Variants in MBOAT2 observed in about 807,000 individuals in gnomAD.
MBOAT2 encodes the protein membrane bound glycerophospholipid O-acyltransferase 2.
A neutral mutation model predicts 63.4 loss-of-function variants in MBOAT2; 28 were observed. The observed-to-expected ratio is 0.44, with a 90% CI of 0.33 to 0.61. MBOAT2 has a LOEUF of 0.61. Ranked by LOEUF, MBOAT2 falls within the 20% of genes least tolerant of loss-of-function variation. MBOAT2 has a pLI of 0.03. For missense variants in MBOAT2, 470 were observed against 605.8 expected, an observed-to-expected ratio of 0.78 and a Z score of 2.35; for synonymous variants, 211 against 215.6, an observed-to-expected ratio of 0.98 and a Z score of 0.19.
At chr2:8,924,797 A>G (rs1666827569) in intron 3 of MBOAT2, among the ~76,000 whole-genome samples, 1 of 152,080 alleles carries the variant, frequency 6.6e-6, no homozygotes. Flanking sequence ...CACTAAGAAA[A>G]TTTCAAAGTT....
intron 2 of MBOAT2, among the ~76,000 whole-genome samples, chr2:8,946,798 C>G (rs990563664): frequency 6.6e-6 from 1 of 152,218 alleles, no homozygotes; most frequent in Non-Finnish European, 1.5e-5. Flanking sequence ...CTCCACTGAC[C>G]GGCAGTCTCT....
At chr2:8,963,302 G>T (rs759438092) in intron 1 of MBOAT2, among the ~76,000 whole-genome samples, 4 of 151,926 alleles carry the variant, frequency 2.6e-5, no homozygotes, top group Non-Finnish European at 5.9e-5. Context: ...GTCACAAAAA[G>T]AAACTAATTT....
intron 4 of MBOAT2, among the ~76,000 whole-genome samples, chr2:8,898,610 A>T (rs968345802): frequency 1.3e-5 from 2 of 152,206 alleles, no homozygotes; most frequent in African/African-American, 4.8e-5. Flanking sequence ...TCATCCACAT[A>T]CTGAAGGACC....
At position 8,863,751 on chromosome 2, in the gene MBOAT2, T is replaced by C. The variant is rs1331349846; in HGVS notation, c.1052+419A>G. On this transcript the variant is annotated intron_variant, in intron 10 of 12. Transcript: ENST00000305997. Reference sequence around the variant, plus strand: ...CTTACTCATGTTTGTTTCCCTTGCCTAACAAATAAAGATTTGTTGAATTGA... The same window carrying C: ...CTTACTCATGTTTGTTTCCCTTGCCCAACAAATAAAGATTTGTTGAATTGA... Among the ~76,000 whole-genome samples the C allele has an allele frequency of 3.3e-5, 5 of 152,204 alleles. No individual in the cohort carries two copies. The South Asian group carries it at 6.2e-4, about 19-fold the overall frequency.
chr2:8,949,130 CTT>C (rs1328533060), intron 2 of MBOAT2, among the ~76,000 whole-genome samples: 1 of 152,072 alleles, frequency 6.6e-6, no homozygotes, highest in African/African-American at 2.4e-5. Context: ...ACTTGTATGT[CTT>C]CTTTTGAAAA....
intron 4 of MBOAT2, among the ~76,000 whole-genome samples, chr2:8,904,736 C>T (rs1392935206): frequency 6.6e-6 from 1 of 152,132 alleles, no homozygotes; most frequent in African/African-American, 2.4e-5. Context: ...CATATTACTA[C>T]ACATTTCATG....
intron 1 of MBOAT2, among the ~76,000 whole-genome samples, chr2:8,980,842 C>A (rs1671149980): frequency 6.6e-6 from 1 of 152,078 alleles, no homozygotes; most frequent in Admixed American, 6.6e-5. Flanking sequence ...CCAGCAATTC[C>A]ACTCCTAGGT....
intron 10 of MBOAT2, among the ~76,000 whole-genome samples, chr2:8,863,432 A>G (rs529210261): frequency 3.9e-5 from 6 of 152,334 alleles, no homozygotes; most frequent in African/African-American, 1.4e-4. Flanking sequence ...CACAGGGACG[A>G]TAAGAGAACC....
At position 8,966,345 on chromosome 2, in the gene MBOAT2, G is replaced by C. The variant is rs181191604; in HGVS notation, c.76-7703C>G. Among the ~76,000 whole-genome samples, 360 of 152,248 alleles carry C rather than the reference G, an allele frequency of 2.4e-3. 4 individuals carry two copies. Among genetic ancestry groups the C allele is most frequent in the African/African-American group, 8.3e-3 (344 of 41,542 alleles). On this transcript the variant is annotated intron_variant, in intron 1 of 12. Transcript: ENST00000305997. ...ATACTCACCAGACTAAGAAGACATA[G>C]TATAGACAGACAGAACAACCTTCAG...
intron 4 of MBOAT2, among the ~76,000 whole-genome samples, chr2:8,904,315 TA>T (rs201879297): frequency 1.8e-4 from 26 of 140,648 alleles, no homozygotes; most frequent in Admixed American, 6.8e-4. Flanking sequence ...TTTTATTTTT[TA>T]TTTTTTTTTT....
At chr2:8,898,322 T>C (rs1321563715) in intron 4 of MBOAT2, among the ~76,000 whole-genome samples, 1 of 152,192 alleles carries the variant, frequency 6.6e-6, no homozygotes, top group East Asian at 1.9e-4. Context: ...GCTATCTTGC[T>C]GTATCCGGGG....
rs559140868 is a variant in MBOAT2 at position 8,952,501 on chromosome 2, T to C, written c.221+5996A>G. Among the ~76,000 whole-genome samples the C allele has an allele frequency of 2.6e-5, 4 of 152,316 alleles. No homozygotes were observed. The South Asian group carries it at 8.3e-4, about 32-fold the overall frequency. On this transcript the variant is annotated intron_variant, in intron 2 of 12. Coordinates refer to ENST00000305997, the MANE Select transcript of MBOAT2 (RefSeq NM_138799.4). ...TAGTTTTCTGCCTCATTGATCTGTC[T>C]AATGCTGTCAGTGGGAGTTAAAGTT...
chr2:8,868,643 T>C lies in MBOAT2; in HGVS notation c.884-94A>G, dbSNP rs1662078414. ...GTATGTGTTATTATATCTTTTATTC[T>C]TAAACAGTAAAAGTAGATTTATTCT... On this transcript the variant is annotated intron_variant, in intron 8 of 12. Coordinates refer to ENST00000305997, the MANE Select transcript of MBOAT2 (RefSeq NM_138799.4). 1.0e-5 allele frequency: 10 copies of C among 976,408 alleles called. No individual in the cohort carries two copies. The South Asian group carries it at 1.4e-4, about 14-fold the overall frequency. 60.5% of individuals were successfully genotyped at this position (976,408 alleles called of 1,614,324 possible). A position where few individuals can be genotyped will look rare whatever the true frequency, so the allele number is the denominator to read the frequency against.
At chr2:8,906,394 G>A (rs544837405) in intron 4 of MBOAT2, among the ~76,000 whole-genome samples, 13 of 152,296 alleles carry the variant, frequency 8.5e-5, no homozygotes, top group South Asian at 4.1e-4. Context: ...CAAGTGTTGC[G>A]CAGGCACACC....
chr2:8,906,970 G>A (rs957427636), intron 4 of MBOAT2, among the ~76,000 whole-genome samples: 8 of 152,172 alleles, frequency 5.3e-5, no homozygotes, highest in Non-Finnish European at 8.8e-5. Flanking sequence ...GAGCTCCTCC[G>A]ACACCTGCAG....
intron 2 of MBOAT2, among the ~76,000 whole-genome samples, chr2:8,943,539 A>G (rs1170603977): frequency 6.6e-6 from 1 of 152,220 alleles, no homozygotes; most frequent in Non-Finnish European, 1.5e-5. Context: ...GTGTGGGATT[A>G]CATGGCTCAG....
chr2:8,955,376 G>T (rs1669142217), intron 2 of MBOAT2, among the ~76,000 whole-genome samples: 1 of 152,158 alleles, frequency 6.6e-6, no homozygotes, highest in South Asian at 2.1e-4. Context: ...CAGTGGAAAG[G>T]TGAGTCATAG....
At chr2:8,991,685 C>T (rs185366201) in intron 1 of MBOAT2, among the ~76,000 whole-genome samples, 117 of 152,258 alleles carry the variant, frequency 7.7e-4, no homozygotes, top group African/African-American at 2.8e-3. Context: ...AAACTGTTAC[C>T]TAATTCCTGG....
At chr2:8,930,409 C>T (rs1249967362) in intron 3 of MBOAT2, among the ~76,000 whole-genome samples, 1 of 148,986 alleles carries the variant, frequency 6.7e-6, no homozygotes, top group Non-Finnish European at 1.5e-5. Flanking sequence ...AGGACATGAA[C>T]TCATCTTTTT....
Sources: allele counts gnomAD v4.1 joint callset (sites outside exome capture counted in the v4.1 genomes callset), GRCh38; gene constraint gnomAD v4.1.1; transcripts MANE v1.5; gene names NCBI Gene and HGNC (gene_info 2026-07-23, HGNC 2026-07-21).